The following MKNK2 variants were observed in gnomAD, a reference collection of about 807,000 sequenced individuals.
The protein encoded by MKNK2 is MAPK interacting serine/threonine kinase 2.
A neutral mutation model predicts 55.0 loss-of-function variants in MKNK2; 54 were observed. The observed-to-expected ratio is 0.98, with a 90% CI of 0.79 to 1.23. The LOEUF (loss-of-function observed/expected upper bound fraction) is 1.23, where lower values mean the gene tolerates loss of function less well. Among genes scored for constraint, MKNK2 ranks in the 50% most tolerant of loss-of-function variants. The pLI, the probability that MKNK2 is intolerant of heterozygous loss-of-function variation, is 0.00. For missense variants in MKNK2, 685 were observed against 632.1 expected (o/e 1.08, Z -0.90); for synonymous variants, 323 against 256.0 (o/e 1.26, Z -2.50).
chr19:2,037,619 A>C lies in MKNK2; in HGVS notation c.*1994T>G. The C allele has an allele frequency of 1.3e-6, 1 of 794,812 alleles. No homozygotes were observed. The allele number at this position is 794,812 out of a possible 1,614,324, so 49.2% of individuals were successfully genotyped here. A position where few individuals can be genotyped will look rare whatever the true frequency, so the allele number is the denominator to read the frequency against. On this transcript the variant is annotated 3_prime_UTR_variant, in exon 14 of 14. Transcript: ENST00000250896. Reference sequence around the variant, plus strand: ...TTGGATGTTTTTCCCCCACTTTAAAAAAACTTTTGAGGTTTTTTTTTTTTT... The same window carrying C: ...TTGGATGTTTTTCCCCCACTTTAAACAAACTTTTGAGGTTTTTTTTTTTTT...
In MKNK2 at chr19:2,042,772, T is replaced by C; in HGVS notation, c.592A>G (p.Asn198Asp). 6.3e-7 allele frequency: 1 copy of C among 1,576,006 alleles called. No homozygotes were observed. Among genetic ancestry groups the C allele is most frequent in the South Asian group, 1.1e-5 (1 of 86,960 alleles). Residue 198 changes from asparagine to aspartate, a missense_variant, in exon 8 of 14, where the codon AAC becomes GAC. Transcript: ENST00000250896. ...DVASALDFLHNKGIAHRDLKP... is the reference protein window; with the variant it reads ...DVASALDFLHDKGIAHRDLKP... ...GGGCGGGGTCACCACCTACCTTTGT[T>C]ATGCAGAAAGTCCAAGGCGCTGGCC...
intron 5 of MKNK2, among the ~76,000 whole-genome samples, chr19:2,044,974 GCAGAGGGCCCACACCC>G (rs2016966698): frequency 6.6e-6 from 1 of 152,096 alleles, no homozygotes; most frequent in African/African-American, 2.4e-5. Flanking sequence ...GACCCCGAGG[GCAGAGGGCCCACACCC>G]CAGTCCCCAT....
At position 2,038,998 on chromosome 19, in the gene MKNK2, G is replaced by T. The variant is rs956077988; in HGVS notation, c.*615C>A. On this transcript the variant is annotated 3_prime_UTR_variant, in exon 14 of 14. Coordinates refer to ENST00000250896, the MANE Select transcript of MKNK2 (RefSeq NM_199054.3). ...ACTATCATGGGGACAAGGCAGGCGC[G>T]GGTGAAGGGCTGGGGGATCCCATGG... 4.1e-6 allele frequency: 4 copies of T among 986,096 alleles called. No individual in the cohort carries two copies. Among genetic ancestry groups the T allele is most frequent in the Admixed American group, 6.1e-5 (1 of 16,314 alleles). 61.1% of individuals were successfully genotyped at this position (986,096 alleles called of 1,614,324 possible).
intron 2 of MKNK2, among the ~76,000 whole-genome samples, chr19:2,049,399 G>A (rs985455557): frequency 6.6e-6 from 1 of 152,166 alleles, no homozygotes; most frequent in African/African-American, 2.4e-5. Context: ...TAGAGCAACC[G>A]GTCCCGGCCA....
intron 2 of MKNK2, among the ~76,000 whole-genome samples, chr19:2,050,171 C>A (rs2017083672): frequency 6.6e-6 from 1 of 152,194 alleles, no homozygotes; most frequent in South Asian, 2.1e-4. Flanking sequence ...GCAGTCACCA[C>A]CCGGGCTGCG....
intron 7 of MKNK2, 25 bp from the exon 8 acceptor site, chr19:2,042,895 A>G (rs2016923013): frequency 1.9e-6 from 3 of 1,547,150 alleles, no homozygotes; most frequent in Admixed American, 2.0e-5. Context: ...GCAGGGCAGG[A>G]CAGGGGGAAC....
intron 10 of MKNK2, 45 bp downstream of exon 10, chr19:2,042,382 G>A (rs1371641425): frequency 1.3e-6 from 2 of 1,515,298 alleles, no homozygotes; most frequent in Admixed American, 2.0e-5. Flanking sequence ...TTATGCAACC[G>A]CAGAGCAGGC....
At chr19:2,044,157 C>G (rs1299996174) in intron 5 of MKNK2, among the ~76,000 whole-genome samples, 1 of 151,876 alleles carries the variant, frequency 6.6e-6, no homozygotes, top group Non-Finnish European at 1.5e-5. Context: ...CTGTAGTCCT[C>G]TTTCCCCACA....
Position 2,038,819 on chromosome 19 carries a change from C to T in MKNK2, c.*794G>A, listed in dbSNP as rs979200923. On this transcript the variant is annotated 3_prime_UTR_variant, in exon 14 of 14. Coordinates refer to ENST00000250896, the MANE Select transcript of MKNK2 (RefSeq NM_199054.3). ...GCGGTGGAAACGGCTTCGGGCCAGG[C>T]GGGGCTCCTGCTGTCTCAGGCCTTG... 2.3e-4 allele frequency: 226 copies of T among 985,578 alleles called. No individual in the cohort carries two copies. The highest frequency in any genetic ancestry group is 2.6e-4 in the Non-Finnish European group (216 of 829,984). 61.1% of individuals were successfully genotyped at this position (985,578 alleles called of 1,614,324 possible).
In MKNK2 at chr19:2,039,345, C is replaced by G; in HGVS notation, c.*268G>C. 1.5e-6 allele frequency: 2 copies of G among 1,338,580 alleles called. No homozygotes were observed. The highest frequency in any genetic ancestry group is 1.9e-6 in the Non-Finnish European group (2 of 1,043,782). 82.9% of individuals were successfully genotyped at this position (1,338,580 alleles called of 1,614,324 possible). A position where few individuals can be genotyped will look rare whatever the true frequency, so the allele number is the denominator to read the frequency against. ...GGCGGGGGACCGGGGAGGGGACAAG[C>G]CCACCCACCTACCCTCTGCTCACCT... On this transcript the variant is annotated 3_prime_UTR_variant, in exon 14 of 14. Transcript: ENST00000250896.
intron 2 of MKNK2, among the ~76,000 whole-genome samples, chr19:2,048,448 C>T (rs2017045867): frequency 6.6e-6 from 1 of 152,074 alleles, no homozygotes; most frequent in Non-Finnish European, 1.5e-5. Flanking sequence ...CGGTCAGGTT[C>T]CTTGTACCAC....
Position 2,051,202 on chromosome 19 carries a change from G to A in MKNK2, c.-203C>T, listed in dbSNP as rs904174606. The A allele has an allele frequency of 1.5e-4, 23 of 153,898 alleles. No homozygotes were observed. The highest frequency in any genetic ancestry group is 8.6e-5 in the Non-Finnish European group (6 of 69,610). The allele number at this position is 153,898 out of a possible 1,614,324, so 9.5% of individuals were successfully genotyped here. A position where few individuals can be genotyped will look rare whatever the true frequency, so the allele number is the denominator to read the frequency against. ...GGGAACAGCGCCGCCGCCGCCGCCA[G>A]CGCGGACCCCTCTACCTGGGCCACC... On this transcript the variant is annotated 5_prime_UTR_variant, in exon 1 of 14. Transcript: ENST00000250896.
intron 10 of MKNK2, 114 bp downstream of exon 10, chr19:2,042,313 C>T (rs1044026907): frequency 2.0e-6 from 2 of 983,958 alleles, no homozygotes; most frequent in Non-Finnish European, 3.0e-6. Flanking sequence ...GCGGCTGTTG[C>T]TAGGCGGAAG....
rs1568236929 is a variant in MKNK2 at position 2,042,582 on chromosome 19, G to A, written c.654+25C>T. 4 of 1,570,064 alleles carry A rather than the reference G, an allele frequency of 2.5e-6. No homozygotes were observed. In the East Asian group the frequency reaches 7.0e-5, roughly 27 times the overall value. ...CCCACGCGGTCCACCCCTCCCGCGG[G>A]GCCACCCTGCCGGAACTGGCCTACC... is the stretch of plus-strand genomic sequence containing the variant. On this transcript the variant is annotated intron_variant, in intron 9 of 13. Coordinates refer to ENST00000250896, the MANE Select transcript of MKNK2 (RefSeq NM_199054.3).
chr19:2,046,649 C>A lies in MKNK2; in HGVS notation c.94G>T (p.Asp32Tyr). Residue 32 changes from aspartate to tyrosine, a missense_variant, in exon 3 of 14, where the codon GAC (aspartate) becomes TAC (tyrosine). Physicochemically the swap from Asp to Tyr is radical, Grantham distance 160. Coordinates refer to ENST00000250896, the MANE Select transcript of MKNK2 (RefSeq NM_199054.3). The part of the protein sequence containing the change: ...FELAFSLDQP[D>Y]HGDSDFGLQC... ...AGGCCAAAGTCAGAGTCTCCGTGGTCGGGCTGGTCTAGGGAGAAGGCCAGC... is the reference window on the plus strand; with the variant it reads ...AGGCCAAAGTCAGAGTCTCCGTGGTAGGGCTGGTCTAGGGAGAAGGCCAGC... The A allele has an allele frequency of 6.4e-7, 1 of 1,562,118 alleles. No homozygotes were observed. Among genetic ancestry groups the A allele is most frequent in the Non-Finnish European group, 8.7e-7 (1 of 1,154,844 alleles).
Position 2,037,848 on chromosome 19 carries a change from A to AAAAC in MKNK2, c.*1764_*1765insGTTT. On this transcript the variant is annotated 3_prime_UTR_variant, in exon 14 of 14. Coordinates refer to ENST00000250896, the MANE Select transcript of MKNK2 (RefSeq NM_199054.3). ...GTCCCACCTTCAGAAAAAAAAAAAA[A>AAAAC]AACAAACAAACAAACGCTGCTAGCC... 6 of 1,560,638 alleles carry AAAAC rather than the reference A, an allele frequency of 3.8e-6. No homozygotes were observed. Among genetic ancestry groups the AAAAC allele is most frequent in the South Asian group, 1.2e-5 (1 of 86,044 alleles).
chr19:2,041,332 G>T, intron 11 of MKNK2, 128 bp from the exon 12 acceptor site: 1 of 943,156 alleles, frequency 1.1e-6, no homozygotes, highest in Non-Finnish European at 1.6e-6. Flanking sequence ...GCCTGGGGCA[G>T]AGGGGGCTGG....
intron 10 of MKNK2, 190 bp from the exon 11 acceptor site, chr19:2,042,224 CCCCGCCCCA>C: frequency 1.4e-6 from 1 of 718,268 alleles, no homozygotes; most frequent in Non-Finnish European, 2.2e-6. Context: ...CCCGCCGCGG[CCCCGCCCCA>C]CCCGGCCAAA....
At position 2,042,084 on chromosome 19, in the gene MKNK2, G is replaced by A. The variant is rs1048701784; in HGVS notation, c.751-50C>T. 5.6e-6 allele frequency: 8 copies of A among 1,420,322 alleles called. No individual in the cohort carries two copies. The African/African-American group carries it at 1.1e-4, about 19-fold the overall frequency. 88.0% of individuals were successfully genotyped at this position (1,420,322 alleles called of 1,614,324 possible). A position where few individuals can be genotyped will look rare whatever the true frequency, so the allele number is the denominator to read the frequency against. On this transcript the variant is annotated intron_variant, in intron 10 of 13. Coordinates refer to ENST00000250896, the MANE Select transcript of MKNK2 (RefSeq NM_199054.3). ...AGCCGGGGTTTCCCAGCATTACGTGGGAACCGAGCCCGGGTAACTGCGGGT... is the reference window on the plus strand; with the variant it reads ...AGCCGGGGTTTCCCAGCATTACGTGAGAACCGAGCCCGGGTAACTGCGGGT...
Sources: allele counts gnomAD v4.1 joint callset (sites outside exome capture counted in the v4.1 genomes callset), GRCh38; gene constraint gnomAD v4.1.1; transcripts MANE v1.5; gene names NCBI Gene and HGNC (gene_info 2026-07-23, HGNC 2026-07-21).